The following USP34 variants were observed in gnomAD, a reference collection of about 807,000 sequenced individuals.
USP34 encodes the protein ubiquitin carboxyl-terminal hydrolase 34.
In USP34, 70 loss-of-function variants were observed where a neutral mutation model predicts 460.3. That is an observed-to-expected ratio of 0.15 (90% CI 0.13 to 0.19). The LOEUF (loss-of-function observed/expected upper bound fraction) is 0.19, where lower values mean the gene tolerates loss of function less well. USP34 is among the 10% of genes least tolerant of loss of function. The pLI is 1.00. For synonymous variants in USP34, 1,647 were observed against 1,405.3 expected (o/e 1.17, Z -3.85); for missense variants, 3,985 against 4,236.2 (o/e 0.94, Z 1.65).
In USP34 at chr2:61,277,834, C is replaced by CGT. The variant is rs1465651666; in HGVS notation, c.5433+330_5433+331insAC. On this transcript the variant is annotated intron_variant, in intron 41 of 79. Transcript: ENST00000398571. ...ACTGAATCATGGCGGCGGTTTCCCC[C>CGT]ATACTGTTCTTGTGATAAGTGAATA... is the stretch of plus-strand genomic sequence containing the variant. 1.4e-5 allele frequency: 3 copies of CGT among 217,530 alleles called. No homozygotes were observed. In the South Asian group the frequency reaches 2.9e-4, roughly 21 times the overall value. The allele number at this position is 217,530 out of a possible 1,614,324, so 13.5% of individuals were successfully genotyped here.
At chr2:61,336,212 T>C (rs1022734491) in intron 18 of USP34, among the ~76,000 whole-genome samples, 10 of 151,554 alleles carry the variant, frequency 6.6e-5, no homozygotes, top group African/African-American at 2.2e-4. Context: ...TGGTGCGATC[T>C]TGGCTCACTG....
chr2:61,436,294 T>C (rs1694810289), intron 1 of USP34, among the ~76,000 whole-genome samples: 1 of 152,164 alleles, frequency 6.6e-6, no homozygotes, highest in South Asian at 2.1e-4. Flanking sequence ...TGTGCCAGCC[T>C]GTGCAACAGA....
chr2:61,324,898 ATC>A (rs1157816905), intron 21 of USP34, among the ~76,000 whole-genome samples: 1 of 152,200 alleles, frequency 6.6e-6, no homozygotes, highest in Non-Finnish European at 1.5e-5. Context: ...ATTAAGAATA[ATC>A]ACTGCAGCAG....
At chr2:61,391,611 G>A (rs1450270053) in intron 5 of USP34, among the ~76,000 whole-genome samples, 1 of 151,944 alleles carries the variant, frequency 6.6e-6, no homozygotes, top group African/African-American at 2.4e-5. Flanking sequence ...CCCAAATAGA[G>A]ACCTCACCCT....
intron 10 of USP34, among the ~76,000 whole-genome samples, chr2:61,351,194 T>C (rs1012511589): frequency 2.0e-5 from 3 of 152,170 alleles, no homozygotes; most frequent in Non-Finnish European, 4.4e-5. Flanking sequence ...ATAAGTTAAA[T>C]AGTAAATTAA....
rs1029411420 is a variant in USP34, at chr2:61,470,835, G to C, written c.-143C>G. ...GACTAGGGCGGGCGGCGGCGGGGAC[G>C]GGGCGGGGAGCAAGAGAATGGGGGA... On this transcript the variant is annotated 5_prime_UTR_variant, in exon 1 of 80. Transcript: ENST00000398571. The C allele has an allele frequency of 1.4e-5, 7 of 508,304 alleles. No homozygotes were observed. The highest frequency in any genetic ancestry group is 8.3e-5 in the African/African-American group (4 of 47,966). 31.5% of individuals were successfully genotyped at this position (508,304 alleles called of 1,614,324 possible).
intron 1 of USP34, among the ~76,000 whole-genome samples, chr2:61,451,220 CAAAAAAAAAAAAA>C (rs70963432): frequency 8.1e-4 from 41 of 50,778 alleles, no homozygotes; most frequent in Admixed American, 7.1e-3. Context: ...GGCTTCATCT[CAAAAAAAAAAAAA>C]AAAAAAAAAA....
intron 50 of USP34, among the ~76,000 whole-genome samples, chr2:61,246,031 C>T (rs1688408835): frequency 6.6e-6 from 1 of 152,144 alleles, no homozygotes; most frequent in South Asian, 2.1e-4. Flanking sequence ...ATTCAATGAA[C>T]AGCTCTTGAA....
rs565270499 is a variant in USP34, at chr2:61,334,363, C to T, written c.2745-392G>A. Reference sequence around the variant, plus strand: ...CCACGTCACTAATGGAAGCACACCACATACCTCAAAAGTATAAGGAGCAGA... The same window carrying T: ...CCACGTCACTAATGGAAGCACACCATATACCTCAAAAGTATAAGGAGCAGA... On this transcript the variant is annotated intron_variant, in intron 18 of 79. Coordinates refer to ENST00000398571, the MANE Select transcript of USP34 (RefSeq NM_014709.4). Among the ~76,000 whole-genome samples the T allele has an allele frequency of 8.1e-4, 123 of 152,184 alleles. 1 individual carries two copies. The highest frequency in any genetic ancestry group is 2.8e-3 in the African/African-American group (118 of 41,532).
At chr2:61,365,389 A>C (rs1478190434) in intron 10 of USP34, among the ~76,000 whole-genome samples, 1 of 151,962 alleles carries the variant, frequency 6.6e-6, no homozygotes, top group African/African-American at 2.4e-5. Flanking sequence ...AGAACACAAA[A>C]ACCCTCATGG....
rs1223821054 is a variant in USP34 at position 61,218,083 on chromosome 2, A to G, written c.8047+2227T>C. ...ATATTAAACAATGCCACTGCAATGT[A>G]CAAGAATGCCATTTCCTCAGCACTG... On this transcript the variant is annotated intron_variant, in intron 67 of 79. Coordinates refer to ENST00000398571, the MANE Select transcript of USP34 (RefSeq NM_014709.4). Among the ~76,000 whole-genome samples, 4 of 152,146 alleles carry G rather than the reference A, an allele frequency of 2.6e-5. No individual in the cohort carries two copies. The East Asian group carries it at 7.7e-4, about 29-fold the overall frequency.
At chr2:61,281,951 T>G (rs907220920) in intron 37 of USP34, among the ~76,000 whole-genome samples, 1 of 152,224 alleles carries the variant, frequency 6.6e-6, no homozygotes, top group African/African-American at 2.4e-5. Flanking sequence ...GAGACAGGAC[T>G]AGAACACAAA....
At chr2:61,320,871 G>A (rs111882831) in intron 21 of USP34, among the ~76,000 whole-genome samples, 1,876 of 152,192 alleles carry the variant, frequency 0.012, 50 homozygotes, top group African/African-American at 0.042. Flanking sequence ...TTAGCCAGGC[G>A]TGGTGGTGGG....
chr2:61,435,954 G>C (rs1400827741), intron 1 of USP34, among the ~76,000 whole-genome samples: 1 of 152,088 alleles, frequency 6.6e-6, no homozygotes, highest in Non-Finnish European at 1.5e-5. Flanking sequence ...CTTGAACCTG[G>C]GAGGCGGAGG....
chr2:61,408,836 T>G (rs1693956532), intron 2 of USP34, among the ~76,000 whole-genome samples: 1 of 151,724 alleles, frequency 6.6e-6, no homozygotes, highest in Non-Finnish European at 1.5e-5. Flanking sequence ...GAGGTTGCAG[T>G]GAGCCGAGAT....
chr2:61,226,032 A>G (rs1687716418), intron 62 of USP34, among the ~76,000 whole-genome samples: 1 of 152,212 alleles, frequency 6.6e-6, no homozygotes, highest in South Asian at 2.1e-4. Context: ...CAGGTGCCAA[A>G]GTAGCATACT....
At chr2:61,426,577 G>A (rs1327740248) in intron 1 of USP34, among the ~76,000 whole-genome samples, 3 of 152,162 alleles carry the variant, frequency 2.0e-5, no homozygotes, top group Non-Finnish European at 4.4e-5. Flanking sequence ...AAAAAGTATT[G>A]CTCTAGTATC....
In USP34 at chr2:61,383,336, T is replaced by A; in HGVS notation, c.754A>T (p.Ile252Phe). The A allele has an allele frequency of 6.3e-7, 1 of 1,597,530 alleles. No individual in the cohort carries two copies. Among genetic ancestry groups the A allele is most frequent in the Non-Finnish European group, 8.6e-7 (1 of 1,169,408 alleles). ...GCGGGAATATGTAGCCATATTCTAA[T>A]CTATATAAGAAACATAAAAACAACA... ...AHAFITVVSN[I>F]RIWLHIPAVM... The change falls in exon 6 of 80, where the codon ATT (isoleucine) becomes TTT (phenylalanine). Residue 252 changes from isoleucine (I) to phenylalanine (F), a missense_variant and splice_region_variant. Ile to Phe is a conservative substitution (Grantham distance 21). This residue lies in a region of USP34 where 331 missense variants were observed against 293.7 expected (regional missense o/e 1.13). Transcript: ENST00000398571.
At chr2:61,357,071 C>G (rs559557833) in intron 10 of USP34, among the ~76,000 whole-genome samples, 31 of 152,218 alleles carry the variant, frequency 2.0e-4, no homozygotes, top group Middle Eastern at 6.8e-3. Context: ...AATAGAGAAT[C>G]TGAACAACAC....
Sources: gnomAD v4.1 joint callset for allele counts (sites outside exome capture counted in the v4.1 genomes callset) on GRCh38, gnomAD v4.1.1 for gene constraint, gnomAD v4.1.1 regional missense constraint, MANE v1.5 for transcripts, NCBI Gene and HGNC (gene_info 2026-07-23, HGNC 2026-07-21) for gene names.